EPS15: variants seen among roughly 807,000 people sequenced by gnomAD.
EPS15 encodes epidermal growth factor receptor substrate 15.
In EPS15, 72 loss-of-function variants were observed where a neutral mutation model predicts 113.8. The observed-to-expected ratio is 0.63, with a 90% CI of 0.52 to 0.77. The LOEUF is 0.77. EPS15 is among the 30% of genes least tolerant of loss of function. The pLI, the probability that EPS15 is intolerant of heterozygous loss-of-function variation, is 0.00. For missense variants in EPS15, 1,048 were observed against 1,045.8 expected (o/e 1.00, Z -0.03); for synonymous variants, 344 against 363.4 (o/e 0.95, Z 0.61).
intron 12 of EPS15, among the ~76,000 whole-genome samples, chr1:51,433,156 C>A (rs1651868456): frequency 6.6e-6 from 1 of 152,166 alleles, no homozygotes; most frequent in African/African-American, 2.4e-5. Context: ...TTTAGGAACA[C>A]AGAATCTGGC....
intron 21 of EPS15, chr1:51,372,205 G>A: frequency 2.3e-6 from 1 of 437,582 alleles, no homozygotes; most frequent in South Asian, 1.7e-5. Flanking sequence ...AGGAGTTGCT[G>A]CTACTGCTGG....
chr1:51,492,309 C>G (rs147206813), intron 1 of EPS15, among the ~76,000 whole-genome samples: 3 of 152,262 alleles, frequency 2.0e-5, no homozygotes, highest in East Asian at 3.9e-4. Context: ...GCTAACATCT[C>G]ATGTTTGTTC....
intron 11 of EPS15, among the ~76,000 whole-genome samples, chr1:51,444,646 A>T (rs201943635): frequency 6.6e-6 from 1 of 152,346 alleles, no homozygotes; most frequent in East Asian, 1.9e-4. Context: ...CACATTTTCC[A>T]ATTTTAAGAC....
In EPS15 at chr1:51,408,954, C is replaced by T. The variant is rs905516455; in HGVS notation, c.1275+581G>A. Among the ~76,000 whole-genome samples, 5 of 152,240 alleles carry T rather than the reference C, an allele frequency of 3.3e-5. No individual in the cohort carries two copies. The South Asian group carries it at 6.2e-4, about 19-fold the overall frequency. The stretch of plus-strand genomic sequence containing the variant: ...AGCTGGGACTACAGGCACCCGCCAC[C>T]GCCCTGGCTAATTTTTTGTATTTTT... On this transcript the variant is annotated intron_variant, in intron 14 of 24. Coordinates refer to ENST00000371733, the MANE Select transcript of EPS15 (RefSeq NM_001981.3).
chr1:51,364,102 T>C (rs1206999736), intron 22 of EPS15, 74 bp from the exon 23 acceptor site: 11 of 1,161,580 alleles, frequency 9.5e-6, no homozygotes, highest in Non-Finnish European at 1.3e-5. Context: ...TTCAGAATAA[T>C]GATTTCAGTA....
At chr1:51,469,996 C>T (rs1290342008) in intron 4 of EPS15, among the ~76,000 whole-genome samples, 1 of 152,158 alleles carries the variant, frequency 6.6e-6, no homozygotes, top group African/African-American at 2.4e-5. Flanking sequence ...TAGGTCTCTT[C>T]TGTTGGAGTC....
chr1:51,372,397 C>G (rs959235618), intron 21 of EPS15: 4 of 535,902 alleles, frequency 7.5e-6, no homozygotes, highest in Non-Finnish European at 1.5e-5. Flanking sequence ...TCATGGCAGA[C>G]AAAAGTACTT....
At chr1:51,398,986 C>T (rs1404823356) in intron 20 of EPS15, 46 bp downstream of exon 20, 2 of 1,543,378 alleles carry the variant, frequency 1.3e-6, no homozygotes, top group Non-Finnish European at 8.8e-7. Context: ...TTGCTTAGGA[C>T]ACTTATTATC....
intron 10 of EPS15, among the ~76,000 whole-genome samples, chr1:51,446,343 C>A (rs1653044892): frequency 6.6e-6 from 1 of 151,932 alleles, no homozygotes; most frequent in Non-Finnish European, 1.5e-5. Context: ...CTGTTTTTTA[C>A]ATTGTTTAAA....
chr1:51,395,572 T>C (rs773071844), intron 20 of EPS15, among the ~76,000 whole-genome samples: 1 of 152,164 alleles, frequency 6.6e-6, no homozygotes, highest in Non-Finnish European at 1.5e-5. Flanking sequence ...GCTAAGATCC[T>C]GCTTTCAACA....
chr1:51,395,102 C>T (rs1451925640), intron 20 of EPS15, among the ~76,000 whole-genome samples: 1 of 152,124 alleles, frequency 6.6e-6, no homozygotes, highest in African/African-American at 2.4e-5. Flanking sequence ...TCAAGAAATC[C>T]TCCCACCTTG....
At position 51,354,509 on chromosome 1, in the gene EPS15, A is replaced by T; in HGVS notation, c.*2191T>A. ...TTGAAACTTTAAGAGAAAATTCTAT[A>T]AAGAGAGCTCAAATAAACATGAATC... On this transcript the variant is annotated 3_prime_UTR_variant, in exon 25 of 25. Transcript: ENST00000371733. 1 of 184,140 alleles carries T rather than the reference A, an allele frequency of 5.4e-6. No individual in the cohort carries two copies. Among genetic ancestry groups the T allele is most frequent in the Non-Finnish European group, 1.2e-5 (1 of 86,656 alleles). 11.4% of individuals were successfully genotyped at this position (184,140 alleles called of 1,614,324 possible).
intron 1 of EPS15, among the ~76,000 whole-genome samples, chr1:51,500,907 C>G (rs1644399718): frequency 6.6e-6 from 1 of 151,204 alleles, no homozygotes; most frequent in African/African-American, 2.4e-5. Flanking sequence ...TCACTTGAAC[C>G]CGGGAGGTGG....
intron 1 of EPS15, among the ~76,000 whole-genome samples, chr1:51,515,800 AG>A (rs2148572321): frequency 6.6e-6 from 1 of 152,384 alleles, no homozygotes; most frequent in Admixed American, 6.5e-5. Context: ...ACAGTGAAAT[AG>A]CTTTTGAAGT....
intron 15 of EPS15, among the ~76,000 whole-genome samples, chr1:51,406,402 G>C (rs753955036): frequency 1.8e-4 from 27 of 152,268 alleles, no homozygotes; most frequent in Non-Finnish European, 3.2e-4. Flanking sequence ...CTTGAGCCCA[G>C]AGGTCAAGGC....
rs202141086 is a variant in EPS15, at chr1:51,444,994, G to A, written c.849C>T (p.Ala283=). ...TCTGACTGATTAAGTGAAAAGCCAA[G>A]GCAAACTGATCCTTTGAAAGCTTCC... The part of the protein sequence containing the change: ...DCGKLSKDQF[A]LAFHLISQKL... The change falls in exon 11 of 25, where the codon GCC becomes GCT. Residue 283 remains alanine, a synonymous_variant. Transcript: ENST00000371733. 1.9e-6 allele frequency: 3 copies of A among 1,613,978 alleles called. No individual in the cohort carries two copies. The highest frequency in any genetic ancestry group is 3.3e-5 in the Admixed American group (2 of 60,018).
intron 1 of EPS15, among the ~76,000 whole-genome samples, chr1:51,489,035 A>G (rs1161680130): frequency 6.6e-6 from 1 of 151,892 alleles, no homozygotes; most frequent in Non-Finnish European, 1.5e-5. Context: ...AGTCCCTGAC[A>G]CCATCATGAA....
At chr1:51,433,168 A>C (rs1199054239) in intron 12 of EPS15, among the ~76,000 whole-genome samples, 2 of 152,264 alleles carry the variant, frequency 1.3e-5, no homozygotes, top group East Asian at 1.9e-4. Flanking sequence ...GAATCTGGCT[A>C]CCTGGCTACA....
intron 12 of EPS15, among the ~76,000 whole-genome samples, chr1:51,425,983 CA>C (rs1651165502): frequency 6.6e-6 from 1 of 152,076 alleles, no homozygotes; most frequent in Admixed American, 6.5e-5. Context: ...TTTCTGCCCC[CA>C]AAATCTTATC....
Sources: gnomAD v4.1 joint callset for allele counts (sites outside exome capture counted in the v4.1 genomes callset) on GRCh38, gnomAD v4.1.1 for gene constraint, MANE v1.5 for transcripts, NCBI Gene and HGNC (gene_info 2026-07-23, HGNC 2026-07-21) for gene names.